The following HS6ST3 variants were observed in gnomAD, a reference collection of about 807,000 sequenced individuals.
HS6ST3 encodes the protein heparan sulfate 6-O-sulfotransferase 3, also known as heparan-sulfate 6-O-sulfotransferase 3.
Under a neutral mutation model 36.7 loss-of-function variants are expected in HS6ST3, and 12 were observed. The ratio of observed to expected loss-of-function variants is 0.33; its 90% CI spans 0.21 to 0.53. The LOEUF (loss-of-function observed/expected upper bound fraction) is 0.53. Ranked by LOEUF, HS6ST3 falls within the 20% of genes least tolerant of loss-of-function variation. The pLI, the probability that HS6ST3 is intolerant of heterozygous loss-of-function variation, is 0.95. For synonymous variants in HS6ST3, 240 were observed against 257.5 expected (o/e 0.93, Z 0.65); for missense variants, 584 against 640.9 (o/e 0.91, Z 0.96).
chr13:96,267,074 A>T (rs561731396), intron 1 of HS6ST3, among the ~76,000 whole-genome samples: 4 of 152,154 alleles, frequency 2.6e-5, no homozygotes, highest in African/African-American at 4.8e-5. Context: ...TGCTGGTCTC[A>T]TGATAGTGAA....
At chr13:96,697,087 A>T (rs552921886) in intron 1 of HS6ST3, among the ~76,000 whole-genome samples, 19 of 152,230 alleles carry the variant, frequency 1.2e-4, no homozygotes, top group Admixed American at 1.1e-3. Context: ...TGAGAAGATA[A>T]TACATTCATA....
intron 1 of HS6ST3, among the ~76,000 whole-genome samples, chr13:96,525,039 A>T (rs1411595124): frequency 6.6e-6 from 1 of 151,888 alleles, no homozygotes; most frequent in African/African-American, 2.4e-5. Flanking sequence ...AAGTTTTGTT[A>T]TACAGATATA....
At chr13:96,332,520 G>T (rs1397491145) in intron 1 of HS6ST3, among the ~76,000 whole-genome samples, 2 of 152,150 alleles carry the variant, frequency 1.3e-5, no homozygotes, top group African/African-American at 2.4e-5. Context: ...AATGTAGTCT[G>T]TGTGGCACCA....
At chr13:96,345,695 T>C (rs970575224) in intron 1 of HS6ST3, among the ~76,000 whole-genome samples, 2 of 152,078 alleles carry the variant, frequency 1.3e-5, no homozygotes, top group African/African-American at 4.8e-5. Flanking sequence ...GTGGGGATGG[T>C]TTTGAGATGA....
At chr13:96,705,934 C>A (rs1195613376) in intron 1 of HS6ST3, among the ~76,000 whole-genome samples, 1 of 152,178 alleles carries the variant, frequency 6.6e-6, no homozygotes, top group Non-Finnish European at 1.5e-5. Context: ...GGACAAACAA[C>A]TCTCACTGGC....
intron 1 of HS6ST3, among the ~76,000 whole-genome samples, chr13:96,243,223 G>A (rs1422518077): frequency 2.0e-5 from 3 of 152,200 alleles, no homozygotes; most frequent in East Asian, 3.9e-4. Flanking sequence ...GTCATGTATA[G>A]CTAGTGGCTT....
At position 96,385,350 on chromosome 13, in the gene HS6ST3, A is replaced by G. The variant is rs188913136; in HGVS notation, c.707+293781A>G. The stretch of plus-strand genomic sequence containing the variant: ...GCTATTTCATATCTATAAGACCTCA[A>G]TAACATTCCTGTGTGCTAACTCATT... On this transcript the variant is annotated intron_variant, in intron 1 of 1. Coordinates refer to ENST00000376705, the MANE Select transcript of HS6ST3 (RefSeq NM_153456.4). Among the ~76,000 whole-genome samples the G allele has an allele frequency of 2.5e-4, 38 of 152,318 alleles. No individual in the cohort carries two copies. The South Asian group carries it at 2.7e-3, about 11-fold the overall frequency.
intron 1 of HS6ST3, among the ~76,000 whole-genome samples, chr13:96,393,380 G>T (rs1472448153): frequency 6.6e-6 from 1 of 152,128 alleles, no homozygotes; most frequent in Non-Finnish European, 1.5e-5. Flanking sequence ...TATTAAATGT[G>T]TGACAATTTG....
chr13:96,792,540 G>A (rs914371940), intron 1 of HS6ST3, among the ~76,000 whole-genome samples: 1 of 151,758 alleles, frequency 6.6e-6, no homozygotes, highest in African/African-American at 2.4e-5. Context: ...TTGGCTTCAG[G>A]CATTAACCTA....
Position 96,378,310 on chromosome 13 carries a change from C to T in HS6ST3, c.707+286741C>T, listed in dbSNP as rs577347346. Reference sequence around the variant, plus strand: ...AGCAGTGAATCTAAAGCAAAGCCCTCACTAAAATGAGGCCTTACTGCAGTA... The same window carrying T: ...AGCAGTGAATCTAAAGCAAAGCCCTTACTAAAATGAGGCCTTACTGCAGTA... On this transcript the variant is annotated intron_variant, in intron 1 of 1. Coordinates refer to ENST00000376705, the MANE Select transcript of HS6ST3 (RefSeq NM_153456.4). 1.8e-4 allele frequency among the ~76,000 whole-genome samples: 28 copies of T among 152,248 alleles called. 3 individuals carry two copies. Among genetic ancestry groups the T allele is most frequent in the African/African-American group, 6.7e-4 (28 of 41,564 alleles).
chr13:96,097,728 T>C (rs1446689912), intron 1 of HS6ST3, among the ~76,000 whole-genome samples: 1 of 152,238 alleles, frequency 6.6e-6, no homozygotes, highest in African/African-American at 2.4e-5. Context: ...TTGGAAGGAA[T>C]AGTAAACATT....
chr13:96,243,708 A>G (rs1488671224), intron 1 of HS6ST3, among the ~76,000 whole-genome samples: 2 of 152,156 alleles, frequency 1.3e-5, no homozygotes, highest in Non-Finnish European at 2.9e-5. Context: ...TTACATGCAA[A>G]TTAATAGTTT....
chr13:96,810,883 T>C (rs1235609736), intron 1 of HS6ST3, among the ~76,000 whole-genome samples: 1 of 152,218 alleles, frequency 6.6e-6, no homozygotes, highest in Non-Finnish European at 1.5e-5. Context: ...TTACTTGTGT[T>C]AGTCAAAAAT....
intron 1 of HS6ST3, among the ~76,000 whole-genome samples, chr13:96,685,916 G>T (rs1414624631): frequency 6.6e-6 from 1 of 152,018 alleles, no homozygotes; most frequent in Non-Finnish European, 1.5e-5. Context: ...TGTTCAAAGT[G>T]CATTTTAGGT....
At chr13:96,614,308 A>T (rs1235548764) in intron 1 of HS6ST3, among the ~76,000 whole-genome samples, 3 of 148,458 alleles carry the variant, frequency 2.0e-5, no homozygotes, top group African/African-American at 7.5e-5. Flanking sequence ...AAAAAAAAAA[A>T]AAAAAAAAAA....
At chr13:96,718,285 A>G (rs570690923) in intron 1 of HS6ST3, among the ~76,000 whole-genome samples, 2 of 152,320 alleles carry the variant, frequency 1.3e-5, no homozygotes, top group South Asian at 2.1e-4. Context: ...GTGGTGACCT[A>G]TTAAATCTAT....
chr13:96,642,663 C>T (rs1490870445), intron 1 of HS6ST3, among the ~76,000 whole-genome samples: 1 of 151,820 alleles, frequency 6.6e-6, no homozygotes, highest in Non-Finnish European at 1.5e-5. Context: ...CTCAAATTTG[C>T]TGTTGTGCCT....
intron 1 of HS6ST3, among the ~76,000 whole-genome samples, chr13:96,585,734 T>C (rs2056358556): frequency 6.6e-6 from 1 of 152,194 alleles, no homozygotes; most frequent in South Asian, 2.1e-4. Flanking sequence ...TGGCTTATTT[T>C]ACTTAATGTC....
At chr13:96,765,029 G>T (rs1442291756) in intron 1 of HS6ST3, among the ~76,000 whole-genome samples, 1 of 149,234 alleles carries the variant, frequency 6.7e-6, no homozygotes, top group Non-Finnish European at 1.5e-5. Context: ...AAATTCAGTT[G>T]CACTTGCCAT....
Sources: allele counts gnomAD v4.1 joint callset (sites outside exome capture counted in the v4.1 genomes callset), GRCh38; gene constraint gnomAD v4.1.1; transcripts MANE v1.5; gene names NCBI Gene and HGNC (gene_info 2026-07-23, HGNC 2026-07-21).